The following CCND3 variants were observed in gnomAD, a reference collection of about 807,000 sequenced individuals.
CCND3 encodes cyclin D3, also known as G1/S-specific cyclin-D3.
In CCND3, 9 loss-of-function variants were observed where a neutral mutation model predicts 28.7. The ratio of observed to expected loss-of-function variants is 0.31; its 90% CI spans 0.19 to 0.55. CCND3 has a LOEUF of 0.55. Ranked by LOEUF, CCND3 falls within the 20% of genes least tolerant of loss-of-function variation. The probability of loss-of-function intolerance (pLI) is 0.93; values close to 1 mark genes in which losing one functional copy is unlikely to be tolerated. For missense variants in CCND3, 315 were observed against 385.8 expected (o/e 0.82, Z 1.54); for synonymous variants, 164 against 163.9 (o/e 1.00, Z 0.00).
At position 41,936,633 on chromosome 6, in the gene CCND3, G is replaced by C. The variant is rs1390030937; in HGVS notation, c.637C>G (p.Gln213Glu). ...GACATGGAGCAGGCACCCAGGCCTTGCACTGCAGCCCCAATGCTGCCCGTG... is the reference window on the plus strand; with the variant it reads ...GACATGGAGCAGGCACCCAGGCCTTCCACTGCAGCCCCAATGCTGCCCGTG... ...IATGSIGAAV[Q>E]GLGACSMSGD... The change falls in exon 4 of 5, where the codon CAA (glutamine) becomes GAA (glutamate). Residue 213 changes from glutamine to glutamate, a missense_variant. By Grantham distance (29) the Gln-to-Glu change is conservative. Transcript: ENST00000372991. The surrounding 1 kb of genome is among the most constrained non-coding windows in gnomAD (Gnocchi z 4.4). 1 of 1,614,092 alleles carries C rather than the reference G, an allele frequency of 6.2e-7. No homozygotes were observed. The highest frequency in any genetic ancestry group is 2.2e-5 in the East Asian group (1 of 44,902).
chr6:41,996,045 T>C lies in CCND3; in HGVS notation c.-46+52456A>G, dbSNP rs182204420. On this transcript the variant is annotated intron_variant, in intron 1 of 4. Coordinates refer to the CCND3 transcript ENST00000372988. ...CCCTGAATAGGAAGACGGTAGAGGA[T>C]TTTCTTTTCTTTCTGTATTCTATTA... Among the ~76,000 whole-genome samples, 639 of 149,344 alleles carry C rather than the reference T, an allele frequency of 4.3e-3. 6 individuals are homozygous for C. Among genetic ancestry groups the C allele is most frequent in the African/African-American group, 0.015 (596 of 41,094 alleles).
At position 42,024,784 on chromosome 6, in the gene CCND3, C is replaced by T. The variant is rs28589929; in HGVS notation, c.-46+23717G>A. ...AAAAATACAAAATTAAGGGGCCGGG[C>T]GCAGTGGCTCATGCCTGTAATCCCA... On this transcript the variant is annotated intron_variant, in intron 1 of 4. Transcript: ENST00000372988. Among the ~76,000 whole-genome samples, 9 of 151,936 alleles carry T rather than the reference C, an allele frequency of 5.9e-5. No individual in the cohort carries two copies. In the East Asian group the frequency reaches 9.7e-4, roughly 16 times the overall value.
Position 41,937,466 on chromosome 6 carries a change from A to G in CCND3, c.415-72T>C. ...AGGAGGGAGCAAAGCAGAAGTCTCA[A>G]AGTCTCAGGCAGGGAAGCCCATCAA... On this transcript the variant is annotated intron_variant, in intron 2 of 4. Transcript: ENST00000372991. The G allele has an allele frequency of 2.5e-6, 4 of 1,574,520 alleles. No homozygotes were observed. The South Asian group carries it at 3.4e-5, about 13-fold the overall frequency.
chr6:41,998,831 C>CTATAATTA (rs1307957547), intron 1 of CCND3, among the ~76,000 whole-genome samples: 3 of 151,780 alleles, frequency 2.0e-5, no homozygotes, highest in African/African-American at 7.3e-5. Flanking sequence ...AGGCATGTGC[C>CTATAATTA]ACCACACCTG....
chr6:41,972,911 T>G (rs1370224556), intron 1 of CCND3, among the ~76,000 whole-genome samples: 2 of 151,312 alleles, frequency 1.3e-5, no homozygotes, highest in Non-Finnish European at 2.9e-5. Flanking sequence ...TATATATGAC[T>G]GAGTTGGAGA....
chr6:42,042,712 T>C (rs1035025465), intron 1 of CCND3, among the ~76,000 whole-genome samples: 1 of 152,146 alleles, frequency 6.6e-6, no homozygotes, highest in Non-Finnish European at 1.5e-5. Context: ...AGTTTCCTTA[T>C]GTATAAGAAG....
chr6:41,969,594 G>A (rs35398189), intron 1 of CCND3, among the ~76,000 whole-genome samples: 24,927 of 151,924 alleles, frequency 0.16, 2,494 homozygotes, highest in Non-Finnish European at 0.22. Flanking sequence ...AAATTAGCTG[G>A]GCGTGGTGGC....
chr6:41,937,205 A>T, intron 3 of CCND3, 30 bp downstream of exon 3: 2 of 1,613,422 alleles, frequency 1.2e-6, no homozygotes, highest in Non-Finnish European at 1.7e-6. Flanking sequence ...GATTTTTCCA[A>T]TTTGGCAAAA....
chr6:41,972,240 A>AAAAAAAAAAAGAAAAG (rs1554162050), intron 1 of CCND3, among the ~76,000 whole-genome samples: 2 of 99,760 alleles, frequency 2.0e-5, no homozygotes, highest in African/African-American at 7.7e-5. Context: ...AAAAAAAAAA[A>AAAAAAAAAAAGAAAAG]AAAAGAAAAG....
chr6:42,049,679 G>C (rs530467734), upstream of CCND3: 1 of 152,434 alleles, frequency 6.6e-6, no homozygotes, highest in East Asian at 1.9e-4. Context: ...TCGAGGGCGC[G>C]AAGGCAGCAG....
chr6:41,997,326 GT>G (rs745810125), intron 1 of CCND3, among the ~76,000 whole-genome samples: 1 of 152,154 alleles, frequency 6.6e-6, no homozygotes. Flanking sequence ...AGAGTAACTA[GT>G]TGGCACCTTA....
intron 1 of CCND3, among the ~76,000 whole-genome samples, chr6:42,029,367 A>T (rs1178466683): frequency 2.0e-5 from 3 of 152,058 alleles, no homozygotes; most frequent in African/African-American, 4.8e-5. Context: ...ACATATATTT[A>T]TTGAGTCTGC....
At chr6:42,014,604 C>T in intron 1 of CCND3, among the ~76,000 whole-genome samples, 1 of 152,126 alleles carries the variant, frequency 6.6e-6, no homozygotes. Context: ...ATCCCAGTTA[C>T]AGGAAAATAG....
rs1554162050 is a variant in CCND3 at position 41,972,240 on chromosome 6, A to AAAAAAGAAAAGAAAAG, written c.-45-31656_-45-31655insCTTTTCTTTTCTTTTT. Among the ~76,000 whole-genome samples the AAAAAAGAAAAGAAAAG allele has an allele frequency of 2.4e-3, 244 of 99,768 alleles. No individual in the cohort carries two copies. In the Middle Eastern group the frequency reaches 0.029, roughly 12 times the overall value. The allele number at this position is 99,768 out of a possible 152,430, so 65.5% of individuals were successfully genotyped here. A position where few individuals can be genotyped will look rare whatever the true frequency, so the allele number is the denominator to read the frequency against. ...GAGACTCCATCTCAAAAAAAAAAAA[A>AAAAAAGAAAAGAAAAG]AAAAGAAAAGAAAAGAAAAGAGATA... On this transcript the variant is annotated intron_variant, in intron 1 of 4. Transcript: ENST00000372988.
rs576583008 is a variant in CCND3 at position 41,951,488 on chromosome 6, G to A, written c.-45-10903C>T. 2.4e-3 allele frequency among the ~76,000 whole-genome samples: 354 copies of A among 148,282 alleles called. 2 individuals carry two copies. Among genetic ancestry groups the A allele is most frequent in the African/African-American group, 8.4e-3 (336 of 40,190 alleles). ...GAGGCAGGAGAATGGCGTGAACCCG[G>A]GAGGCAGAGCTTGCAGTGAGCTGAG... On this transcript the variant is annotated intron_variant, in intron 1 of 4. Coordinates refer to the CCND3 transcript ENST00000372988.
chr6:41,983,547 C>T lies in CCND3; in HGVS notation c.-45-42962G>A, dbSNP rs887907670. Among the ~76,000 whole-genome samples the T allele has an allele frequency of 6.6e-5, 10 of 151,896 alleles. No individual in the cohort carries two copies. In the South Asian group the frequency reaches 2.1e-3, roughly 32 times the overall value. ...ATATCATCATTATTAACTATAATCACCATGTGGCCAGGTGAGGTGGCTCAA... is the reference window on the plus strand; with the variant it reads ...ATATCATCATTATTAACTATAATCATCATGTGGCCAGGTGAGGTGGCTCAA... On this transcript the variant is annotated intron_variant, in intron 1 of 4. Coordinates refer to the CCND3 transcript ENST00000372988.
chr6:42,036,306 T>TTATA (rs566638387), intron 1 of CCND3, among the ~76,000 whole-genome samples: 50 of 130,678 alleles, frequency 3.8e-4, no homozygotes, highest in South Asian at 7.3e-4. Flanking sequence ...AAATTATTAT[T>TTATA]TATATATATA....
chr6:41,951,719 A>G (rs1200489648), intron 1 of CCND3, among the ~76,000 whole-genome samples: 1 of 151,836 alleles, frequency 6.6e-6, no homozygotes, highest in African/African-American at 2.4e-5. Context: ...AATAGTAATA[A>G]TACTATTAGG....
intron 1 of CCND3, among the ~76,000 whole-genome samples, chr6:41,986,483 CT>C (rs1762483920): frequency 6.6e-6 from 1 of 151,668 alleles, no homozygotes; most frequent in African/African-American, 2.4e-5. Context: ...TGTACAAGTC[CT>C]TTACCTCCTT....
Sources: allele counts gnomAD v4.1 joint callset (sites outside exome capture counted in the v4.1 genomes callset), GRCh38; gene constraint gnomAD v4.1.1; non-coding constraint Gnocchi (gnomAD v3.1); transcripts MANE v1.5; gene names NCBI Gene and HGNC (gene_info 2026-07-23, HGNC 2026-07-21).